The following PRDM2 variants were observed in gnomAD, a reference collection of about 807,000 sequenced individuals.
PRDM2 encodes PR domain zinc finger protein 2.
In PRDM2, 30 loss-of-function variants were observed where a neutral mutation model predicts 130.0. That is an observed-to-expected ratio of 0.23 (90% confidence interval 0.17 to 0.31). The LOEUF is 0.31. Among genes scored for constraint, PRDM2 ranks in the 10% least tolerant of loss-of-function variants. The pLI is 1.00. For synonymous variants in PRDM2, 871 were observed against 782.4 expected, an observed-to-expected ratio of 1.11 and a Z score of -1.89; for missense variants, 2,011 against 2,108.4, an observed-to-expected ratio of 0.95 and a Z score of 0.90.
At chr1:13,766,798 A>G (rs1480137642) in intron 6 of PRDM2, among the ~76,000 whole-genome samples, 1 of 152,252 alleles carries the variant, frequency 6.6e-6, no homozygotes, top group African/African-American at 2.4e-5. Flanking sequence ...AGTTACATAT[A>G]GTTTTAAATT....
intron 8 of PRDM2, chr1:13,787,343 T>C: frequency 1.0e-6 from 1 of 984,972 alleles, no homozygotes; most frequent in Non-Finnish European, 1.2e-6. Context: ...GCATCTCTAA[T>C]AGAGATTAAA....
intron 7 of PRDM2, among the ~76,000 whole-genome samples, chr1:13,777,149 C>T (rs1644492918): frequency 6.6e-6 from 1 of 152,104 alleles, no homozygotes; most frequent in Non-Finnish European, 1.5e-5. Flanking sequence ...ATTGCAGTTG[C>T]GTGGAATCTC....
At position 13,823,810 on chromosome 1, in the gene PRDM2, GAACCTCAGAT is replaced by G. The variant is rs1356622968; in HGVS notation, c.*676_*685del. The stretch of plus-strand genomic sequence containing the variant: ...TCCATTGCTCTTGAGTCTTTGCAGA[GAACCTCAGAT>G]CAGGTGCACCTGGGAGAAAGACTTT... On this transcript the variant is annotated 3_prime_UTR_variant, in exon 10 of 10. Coordinates refer to ENST00000311066, the MANE Select transcript of PRDM2 (RefSeq NM_001393986.1). The G allele has an allele frequency of 6.6e-6, 1 of 152,464 alleles. No homozygotes were observed. Among genetic ancestry groups the G allele is most frequent in the African/African-American group, 2.4e-5 (1 of 41,436 alleles). The allele number at this position is 152,464 out of a possible 1,614,324, so 9.4% of individuals were successfully genotyped here.
chr1:13,817,836 A>G (rs1480470206), intron 9 of PRDM2, among the ~76,000 whole-genome samples: 2 of 152,042 alleles, frequency 1.3e-5, no homozygotes, highest in Admixed American at 1.3e-4. Context: ...TGTCTCTACT[A>G]AAAATACAAA....
chr1:13,793,252 G>T (rs574868565), intron 8 of PRDM2, among the ~76,000 whole-genome samples: 1 of 152,254 alleles, frequency 6.6e-6, no homozygotes, highest in Non-Finnish European at 1.5e-5. Context: ...GCCACATGCC[G>T]TGCGCGTTAC....
rs754161197 is a variant in PRDM2 at position 13,782,009 on chromosome 1, T to G, written c.4214T>G (p.Phe1405Cys). The change falls in exon 8 of 10, where the codon TTT (phenylalanine) becomes TGT (cysteine). Residue 1405 changes from phenylalanine (F) to cysteine (C), a missense_variant. Physicochemically the swap from Phe to Cys is radical, Grantham distance 205. This residue lies in a region of PRDM2 where 410 missense variants were observed against 395.9 expected (regional missense o/e 1.04). Transcript: ENST00000311066. ...ATGGGACAGCCCAAAAGGCTTAACTTTAGTGTTGAGCTCAGCAAAATGTCG... is the reference window on the plus strand; with the variant it reads ...ATGGGACAGCCCAAAAGGCTTAACTGTAGTGTTGAGCTCAGCAAAATGTCG... ...RRMGQPKRLN[F>C]SVELSKMSSN... 6.2e-7 allele frequency: 1 copy of G among 1,614,134 alleles called. No homozygotes were observed. The highest frequency in any genetic ancestry group is 1.7e-5 in the Admixed American group (1 of 60,018).
chr1:13,714,219 GTTGA>G (rs145790181), intron 1 of PRDM2, among the ~76,000 whole-genome samples: 26,632 of 152,026 alleles, frequency 0.18, 2,937 homozygotes, highest in Admixed American at 0.24. Context: ...AGAGAAGAGG[GTTGA>G]TTATGTTCAA....
chr1:13,739,484 T>A (rs1187821910), intron 4 of PRDM2, among the ~76,000 whole-genome samples: 1 of 152,226 alleles, frequency 6.6e-6, no homozygotes, highest in East Asian at 1.9e-4. Context: ...TTTTCAAGTA[T>A]ATAGGTATAT....
At position 13,782,092 on chromosome 1, in the gene PRDM2, A is replaced by G. The variant is rs761336441; in HGVS notation, c.4297A>G (p.Ile1433Val). The G allele has an allele frequency of 2.5e-5, 40 of 1,613,992 alleles. No homozygotes were observed. The highest frequency in any genetic ancestry group is 1.2e-4 in the African/African-American group (9 of 74,932). ...AAAAAATCAGCTAGTACAGAAAGCA[A>G]TTCTTCAGAAAAACAAATCTGCAAA... ...KKKNQLVQKA[I>V]LQKNKSAKQK... The change falls in exon 8 of 10, where the codon ATT (isoleucine) becomes GTT (valine). Residue 1433 changes from isoleucine (I) to valine (V), a missense_variant. Physicochemically the swap from Ile to Val is conservative, Grantham distance 29. Around this residue, in one of 5 missense-constraint regions of PRDM2, gnomAD observed 410 missense variants for 395.9 expected, o/e 1.04. Coordinates refer to ENST00000311066, the MANE Select transcript of PRDM2 (RefSeq NM_001393986.1).
intron 1 of PRDM2, among the ~76,000 whole-genome samples, chr1:13,705,981 C>CA (rs61072408): frequency 0.17 from 9,226 of 53,146 alleles, 708 homozygotes; most frequent in Admixed American, 0.25. Flanking sequence ...GACTCCGTCT[C>CA]AAAAAAAAAA....
intron 7 of PRDM2, among the ~76,000 whole-genome samples, chr1:13,776,977 T>C (rs1293217127): frequency 1.3e-5 from 2 of 152,202 alleles, no homozygotes; most frequent in Admixed American, 6.5e-5. Flanking sequence ...TCCAGATTCA[T>C]ATAAAGCTGT....
At chr1:13,752,712 C>T (rs1643871343) in intron 6 of PRDM2, among the ~76,000 whole-genome samples, 1 of 152,134 alleles carries the variant, frequency 6.6e-6, no homozygotes, top group South Asian at 2.1e-4. Flanking sequence ...GTTCTTTTAC[C>T]TGGAGAAACA....
chr1:13,797,458 AT>A (rs1644939739), intron 8 of PRDM2, among the ~76,000 whole-genome samples: 1 of 152,246 alleles, frequency 6.6e-6, no homozygotes, highest in Non-Finnish European at 1.5e-5. Context: ...TTATTTCAAC[AT>A]TGTAATTAAT....
At position 13,825,065 on chromosome 1, in the gene PRDM2, G is replaced by C. The variant is rs1442156926; in HGVS notation, c.*1930G>C. 3 of 152,606 alleles carry C rather than the reference G, an allele frequency of 2.0e-5. 1 individual carries two copies. The South Asian group carries it at 6.2e-4, about 32-fold the overall frequency. 9.5% of individuals were successfully genotyped at this position (152,606 alleles called of 1,614,324 possible). On this transcript the variant is annotated 3_prime_UTR_variant, in exon 10 of 10. Transcript: ENST00000311066. The surrounding 1 kb of genome is among the most constrained non-coding windows in gnomAD (Gnocchi z 4.9). ...AATTAACAATAAAAGTGTGAAGAGC[G>C]ATTGTGAGGAACAAGCCTGGGAGTG...
chr1:13,743,338 T>G (rs577188276), intron 5 of PRDM2, among the ~76,000 whole-genome samples: 104 of 146,168 alleles, frequency 7.1e-4, no homozygotes, highest in African/African-American at 2.6e-3. Flanking sequence ...AGGGAGGGTT[T>G]GCAGTGAGCC....
chr1:13,807,123 T>C (rs948001557), intron 8 of PRDM2, among the ~76,000 whole-genome samples: 1 of 152,210 alleles, frequency 6.6e-6, no homozygotes, highest in Non-Finnish European at 1.5e-5. Flanking sequence ...ATGTGGTCAT[T>C]TGGGAGCCAG....
chr1:13,782,753 T>A lies in PRDM2; in HGVS notation c.4958T>A (p.Leu1653His), dbSNP rs771982147. 1.9e-6 allele frequency: 3 copies of A among 1,612,522 alleles called. No individual in the cohort carries two copies. The highest frequency in any genetic ancestry group is 2.5e-6 in the Non-Finnish European group (3 of 1,179,508). The part of the protein sequence containing the change: ...ERSGGPVTRS[L>H]QLAAAADLSE... ...AGTGGGGGGCCAGTCACCCGGAGCC[T>A]TCAGCTGGCAGCTGCTGCTGACTTG... The change falls in exon 8 of 10, where the codon CTT becomes CAT. Residue 1653 changes from leucine (L) to histidine (H), a missense_variant. By Grantham distance (99) the Leu-to-His change is moderately conservative. Transcript: ENST00000311066.
chr1:13,790,576 C>T (rs2100703820), intron 8 of PRDM2, among the ~76,000 whole-genome samples: 1 of 152,198 alleles, frequency 6.6e-6, no homozygotes, highest in East Asian at 1.9e-4. Context: ...ACAAGCAGAA[C>T]CTTGAATACA....
At position 13,824,582 on chromosome 1, in the gene PRDM2, T is replaced by G. The variant is rs1645404205; in HGVS notation, c.*1447T>G. ...TGGTGGTCATTGGCCGACATCACAG[T>G]TTTCCTGTTTCCCACCCAGCTAAAA... On this transcript the variant is annotated 3_prime_UTR_variant, in exon 10 of 10. Coordinates refer to ENST00000311066, the MANE Select transcript of PRDM2 (RefSeq NM_001393986.1). 6.6e-6 allele frequency: 1 copy of G among 152,114 alleles called. No homozygotes were observed. The highest frequency in any genetic ancestry group is 6.6e-5 in the Admixed American group (1 of 15,254). The allele number at this position is 152,114 out of a possible 1,614,324, so 9.4% of individuals were successfully genotyped here.
Sources: allele counts gnomAD v4.1 joint callset (sites outside exome capture counted in the v4.1 genomes callset), GRCh38; gene constraint gnomAD v4.1.1; regional missense constraint gnomAD v4.1.1; non-coding constraint Gnocchi (gnomAD v3.1); transcripts MANE v1.5; gene names NCBI Gene and HGNC (gene_info 2026-07-23, HGNC 2026-07-21).